The following DMTN variants were observed in gnomAD, a reference collection of about 807,000 sequenced individuals.
DMTN encodes dematin.
In DMTN, 27 loss-of-function variants were observed where a neutral mutation model predicts 59.4. The observed-to-expected ratio is 0.45, with a 90% CI of 0.33 to 0.63. The LOEUF (loss-of-function observed/expected upper bound fraction) is 0.63, where lower values mean the gene tolerates loss of function less well. Ranked by LOEUF, DMTN falls within the 20% of genes least tolerant of loss-of-function variation. The probability of loss-of-function intolerance (pLI) is 0.02; values close to 1 mark genes in which losing one functional copy is unlikely to be tolerated. For missense variants in DMTN, 451 were observed against 528.9 expected (o/e 0.85, Z 1.45); for synonymous variants, 221 against 203.7 (o/e 1.08, Z -0.72).
intron 1 of DMTN, among the ~76,000 whole-genome samples, chr8:22,062,357 C>T (rs1226041477): frequency 6.6e-6 from 1 of 152,192 alleles, no homozygotes; most frequent in Non-Finnish European, 1.5e-5. Flanking sequence ...CTCTGCGTCC[C>T]AAAGTGTTGG....
At position 22,060,176 on chromosome 8, in the gene DMTN, C is replaced by T. The variant is rs1451533443; in HGVS notation, c.-172+3040C>T. 6.6e-6 allele frequency among the ~76,000 whole-genome samples: 1 copy of T among 152,186 alleles called. No individual in the cohort carries two copies. The highest frequency in any genetic ancestry group is 6.5e-5 in the Admixed American group (1 of 15,276). Reference sequence around the variant, plus strand: ...CTCCCTCCCTCCCCTCTTCCTGCTGCAGCTCGCCCTTTCTATCTCTTTGTG... The same window carrying T: ...CTCCCTCCCTCCCCTCTTCCTGCTGTAGCTCGCCCTTTCTATCTCTTTGTG... On this transcript the variant is annotated intron_variant, in intron 1 of 15. Transcript: ENST00000358242. This position sits in a 1 kb window ranked among gnomAD's most constrained non-coding sequence, Gnocchi z 5.0.
intron 14 of DMTN, 52 bp downstream of exon 14, chr8:22,080,922 T>C: frequency 6.6e-7 from 1 of 1,525,472 alleles, no homozygotes; most frequent in Non-Finnish European, 8.8e-7. Flanking sequence ...GCTGGGGAGA[T>C]GCCAGGCAAG....
rs1460421784 is a variant in DMTN at position 22,058,247 on chromosome 8, C to A, written c.-172+1111C>A. On this transcript the variant is annotated intron_variant, in intron 1 of 15. Coordinates refer to ENST00000358242, the MANE Select transcript of DMTN (RefSeq NM_001387751.1). The surrounding 1 kb of genome is among the most constrained non-coding windows in gnomAD (Gnocchi z 4.3). ...CCTCTCTGTGGTCAGGCGTTAGACT[C>A]CTGGGTGAGGTTGTCCACCCGTGGG... Among the ~76,000 whole-genome samples the A allele has an allele frequency of 6.6e-6, 1 of 152,256 alleles. No homozygotes were observed. The highest frequency in any genetic ancestry group is 2.4e-5 in the African/African-American group (1 of 41,550).
intron 10 of DMTN, among the ~76,000 whole-genome samples, chr8:22,074,592 G>C: frequency 6.6e-6 from 1 of 152,186 alleles, no homozygotes; most frequent in East Asian, 1.9e-4. Flanking sequence ...AGTCTTGAAG[G>C]CTGAGACCAA....
At position 22,080,601 on chromosome 8, in the gene DMTN, C is replaced by T. The variant is rs1474687283; in HGVS notation, c.950-17C>T. On this transcript the variant is annotated splice_polypyrimidine_tract_variant and intron_variant, in intron 12 of 15. Coordinates refer to ENST00000358242, the MANE Select transcript of DMTN (RefSeq NM_001387751.1). ...ACCTCAGAGCTGCATCTGACCCATG[C>T]CCCTTCTCTCCCGCAGGCCTGCAGG... 2.5e-6 allele frequency: 4 copies of T among 1,609,286 alleles called. No individual in the cohort carries two copies. The highest frequency in any genetic ancestry group is 3.4e-6 in the Non-Finnish European group (4 of 1,177,836).
intron 11 of DMTN, 22 bp downstream of exon 11, chr8:22,080,266 T>A (rs1404657904): frequency 6.2e-7 from 1 of 1,613,946 alleles, no homozygotes; most frequent in Admixed American, 1.7e-5. Flanking sequence ...GGACCAGAGA[T>A]ATAGACTACG....
chr8:22,066,782 GC>G lies in DMTN; in HGVS notation c.-93del. 1 of 1,336,638 alleles carries G rather than the reference GC, an allele frequency of 7.5e-7. No homozygotes were observed. The highest frequency in any genetic ancestry group is 1.5e-5 in the South Asian group (1 of 65,076). The allele number at this position is 1,336,638 out of a possible 1,614,324, so 82.8% of individuals were successfully genotyped here. On this transcript the variant is annotated 5_prime_UTR_variant, in exon 2 of 16. The change abolishes the stop of an existing upstream ORF in the 5' untranslated region. Coordinates refer to ENST00000358242, the MANE Select transcript of DMTN (RefSeq NM_001387751.1). ...CAGCTGCTTTCGCGGCCCCAAGCGCGCAGCGCCCAGCAGCCGCGCCGAGCCT... is the reference window on the plus strand; with the variant it reads ...CAGCTGCTTTCGCGGCCCCAAGCGCGAGCGCCCAGCAGCCGCGCCGAGCCT...
At position 22,063,303 on chromosome 8, in the gene DMTN, C is replaced by G. The variant is rs924691006; in HGVS notation, c.-171-3402C>G. ...CTTCCTGCCCAAGTCTAGATCTTTACAGTGCCCTGCTGAACTACTGCTGCA... is the reference window on the plus strand; with the variant it reads ...CTTCCTGCCCAAGTCTAGATCTTTAGAGTGCCCTGCTGAACTACTGCTGCA... On this transcript the variant is annotated intron_variant, in intron 1 of 15. Transcript: ENST00000358242. Among the ~76,000 whole-genome samples, 11 of 152,322 alleles carry G rather than the reference C, an allele frequency of 7.2e-5. No homozygotes were observed. The East Asian group carries it at 1.9e-3, about 27-fold the overall frequency.
rs545821740 is a variant in DMTN at position 22,082,149 on chromosome 8, G to A, written c.*686G>A. On this transcript the variant is annotated 3_prime_UTR_variant, in exon 16 of 16. Coordinates refer to ENST00000358242, the MANE Select transcript of DMTN (RefSeq NM_001387751.1). Reference sequence around the variant, plus strand: ...TCCAGGCCACGAAATGGGAATTCCAGCACTAAGCCAGGCACCGGGCAGAAG... The same window carrying A: ...TCCAGGCCACGAAATGGGAATTCCAACACTAAGCCAGGCACCGGGCAGAAG... The A allele has an allele frequency of 6.6e-6, 3 of 456,676 alleles. No individual in the cohort carries two copies. Among genetic ancestry groups the A allele is most frequent in the South Asian group, 1.5e-5 (1 of 64,574 alleles). 28.3% of individuals were successfully genotyped at this position (456,676 alleles called of 1,614,324 possible).
At chr8:22,065,800 G>A (rs13266848) in intron 1 of DMTN, among the ~76,000 whole-genome samples, 142,065 of 146,592 alleles carry the variant, frequency 0.97, 68,995 homozygotes, top group East Asian at 1. Flanking sequence ...GCACCCCTGC[G>A]CTCCGGCCTG....
At chr8:22,050,207 G>T (rs1439117445), upstream of DMTN, among the ~76,000 whole-genome samples, 1 of 152,144 alleles carries the variant, frequency 6.6e-6, no homozygotes, top group Non-Finnish European at 1.5e-5. Context: ...GATAACTGGC[G>T]AGTTCAATGG....
intron 8 of DMTN, 98 bp from the exon 9 acceptor site, chr8:22,072,228 A>C: frequency 7.2e-7 from 1 of 1,397,728 alleles, no homozygotes; most frequent in Non-Finnish European, 9.4e-7. Context: ...GGCCTTATCA[A>C]GGTCCAGCCC....
In DMTN at chr8:22,081,114, T is replaced by G. The variant is rs749160536; in HGVS notation, c.1025T>G (p.Ile342Ser). Residue 342 changes from isoleucine (I) to serine (S), a missense_variant and splice_region_variant, in exon 15 of 16, where the codon ATC becomes AGC. Transcript: ENST00000358242. ...NSLPCVLEQK[I>S]YPYEMLVVTN... ...GATTGCCCCTCCCCCCACCCCCAGA[T>G]CTATCCCTATGAAATGCTAGTGGTG... is the stretch of plus-strand genomic sequence containing the variant. The G allele has an allele frequency of 4.0e-6, 3 of 755,882 alleles. No individual in the cohort carries two copies. The highest frequency in any genetic ancestry group is 4.2e-6 in the Non-Finnish European group (2 of 470,684). 46.8% of individuals were successfully genotyped at this position (755,882 alleles called of 1,614,324 possible).
intron 9 of DMTN, among the ~76,000 whole-genome samples, chr8:22,073,196 G>A (rs1467009714): frequency 6.6e-6 from 1 of 152,168 alleles, no homozygotes; most frequent in African/African-American, 2.4e-5. Context: ...GGCTTTCAAG[G>A]GTGGCCAAAC....
chr8:22,064,749 C>T (rs1001105204), intron 1 of DMTN, among the ~76,000 whole-genome samples: 27 of 152,314 alleles, frequency 1.8e-4, no homozygotes, highest in Admixed American at 3.9e-4. Flanking sequence ...TGAGCCACCG[C>T]GCCCGGCCTG....
chr8:22,073,909 T>C, intron 10 of DMTN, 74 bp downstream of exon 10: 1 of 1,281,956 alleles, frequency 7.8e-7, no homozygotes, highest in Non-Finnish European at 1.1e-6. Flanking sequence ...TGTTGACTTG[T>C]GACACATACA....
Position 22,067,383 on chromosome 8 carries a change from T to C in DMTN, c.94-144T>C, listed in dbSNP as rs866309278. On this transcript the variant is annotated intron_variant, in intron 3 of 15. Coordinates refer to ENST00000358242, the MANE Select transcript of DMTN (RefSeq NM_001387751.1). ...GGCAAAGGACTATCATGTTTTAAGG[T>C]GACTAATTTCTTAAAATAATAGAAT... The C allele has an allele frequency of 7.8e-6, 10 of 1,284,204 alleles. No homozygotes were observed. In the Middle Eastern group the frequency reaches 1.1e-3, roughly 148 times the overall value. 79.6% of individuals were successfully genotyped at this position (1,284,204 alleles called of 1,614,324 possible). A position where few individuals can be genotyped will look rare whatever the true frequency, so the allele number is the denominator to read the frequency against.
At chr8:22,078,370 A>C (rs1437939090) in intron 10 of DMTN, among the ~76,000 whole-genome samples, 1 of 149,620 alleles carries the variant, frequency 6.7e-6, no homozygotes, top group Non-Finnish European at 1.5e-5. Context: ...GTATCAAAAA[A>C]CAAAAAATAT....
intron 10 of DMTN, among the ~76,000 whole-genome samples, chr8:22,077,056 G>C (rs1820402579): frequency 6.6e-6 from 1 of 152,138 alleles, no homozygotes; most frequent in African/African-American, 2.4e-5. Flanking sequence ...CCACAGCTGG[G>C]GGCAGGATGG....
Sources: allele counts gnomAD v4.1 joint callset (sites outside exome capture counted in the v4.1 genomes callset), GRCh38; gene constraint gnomAD v4.1.1; non-coding constraint Gnocchi (gnomAD v3.1); transcripts MANE v1.5; gene names NCBI Gene and HGNC (gene_info 2026-07-23, HGNC 2026-07-21).